MTFR1: variants seen among roughly 807,000 people sequenced by gnomAD.
MTFR1 encodes mitochondrial fission regulator 1, also known as chondrocyte protein with a poly-proline region.
Under a neutral mutation model 38.8 loss-of-function variants are expected in MTFR1, and 28 were observed. That is an observed-to-expected ratio of 0.72 (90% CI 0.53 to 0.99). The LOEUF is 0.99. MTFR1 is among the 50% of genes least tolerant of loss of function. MTFR1 has a pLI of 0.00. For synonymous variants in MTFR1, 145 were observed against 137.0 expected (o/e 1.06, Z -0.41); for missense variants, 358 against 395.5 (o/e 0.91, Z 0.81).
chr8:65,738,339 A>G (rs563128820), intron 3 of MTFR1, among the ~76,000 whole-genome samples: 1 of 152,354 alleles, frequency 6.6e-6, no homozygotes, highest in African/African-American at 2.4e-5. Context: ...AATGAGGGTC[A>G]GAAAATGAGA....
rs151130367 is a variant in MTFR1 at position 65,707,875 on chromosome 8, A to G, written c.797A>G (p.Asp266Gly). ...SEQDVKPKPV[D>G]ATDPAALIAE... ...CAAGATGTGAAGCCCAAGCCAGTGG[A>G]TGCTACTGACCCTGCTGCCCTCATA... The change falls in exon 7 of 8, where the codon GAT becomes GGT. Residue 266 changes from aspartate (D) to glycine (G), a missense_variant. Transcript: ENST00000262146. 1.5e-4 allele frequency: 249 copies of G among 1,614,166 alleles called. No individual in the cohort carries two copies. The highest frequency in any genetic ancestry group is 9.9e-4 in the Middle Eastern group (6 of 6,060).
intron 3 of MTFR1, among the ~76,000 whole-genome samples, chr8:65,729,968 G>A (rs1195023513): frequency 1.3e-5 from 2 of 151,704 alleles, no homozygotes; most frequent in South Asian, 2.1e-4. Context: ...GGCGGTCCTC[G>A]CAGGGCTCCT....
At chr8:65,772,565 C>T (rs77732976), downstream of MTFR1, among the ~76,000 whole-genome samples, 5,729 of 152,278 alleles carry the variant, frequency 0.038, 145 homozygotes, top group Non-Finnish European at 0.054. Flanking sequence ...AAATAAACTA[C>T]TGATATCTTC....
At chr8:65,696,462 G>A (rs1286554765) in intron 4 of MTFR1, among the ~76,000 whole-genome samples, 1 of 151,998 alleles carries the variant, frequency 6.6e-6, no homozygotes, top group South Asian at 2.1e-4. Context: ...ATCACAGCAG[G>A]GTATTGATGT....
chr8:65,647,233 G>A (rs1808984875), intron 1 of MTFR1, among the ~76,000 whole-genome samples: 1 of 152,212 alleles, frequency 6.6e-6, no homozygotes, highest in African/African-American at 2.4e-5. Context: ...CAAATTTATG[G>A]ATATGAGGAA....
chr8:65,736,161 A>G (rs1400572640), intron 3 of MTFR1, among the ~76,000 whole-genome samples: 1 of 152,094 alleles, frequency 6.6e-6, no homozygotes, highest in East Asian at 1.9e-4. Context: ...CAGCATCACA[A>G]CTCTTGTGCT....
chr8:65,676,574 G>A (rs1804713151), intron 2 of MTFR1, among the ~76,000 whole-genome samples: 1 of 152,092 alleles, frequency 6.6e-6, no homozygotes, highest in Non-Finnish European at 1.5e-5. Context: ...ATGTTGGCCA[G>A]GCTGGTCTCG....
chr8:65,662,032 C>CCTCTCGCTCTCCCT (rs1809433478), intron 1 of MTFR1, among the ~76,000 whole-genome samples: 1 of 100,534 alleles, frequency 9.9e-6, no homozygotes, highest in Non-Finnish European at 1.9e-5. Context: ...TCTCTCTCTC[C>CCTCTCGCTCTCCCT]CTCTCTCTCC....
intron 1 of MTFR1, among the ~76,000 whole-genome samples, chr8:65,649,867 C>T (rs1298711167): frequency 1.4e-5 from 2 of 145,738 alleles, no homozygotes; most frequent in African/African-American, 5.1e-5. Flanking sequence ...GAGATGGAGT[C>T]TCGCTCTGTC....
Position 65,693,748 on chromosome 8 carries a change from A to G in MTFR1, c.270A>G (p.Ser90=), listed in dbSNP as rs548262157. The G allele has an allele frequency of 1.9e-6, 3 of 1,613,738 alleles. No individual in the cohort carries two copies. Among genetic ancestry groups the G allele is most frequent in the South Asian group, 2.2e-5 (2 of 91,064 alleles). The change falls in exon 4 of 8, where the codon TCA becomes TCG. Residue 90 remains serine, a synonymous_variant. Coordinates refer to ENST00000262146, the MANE Select transcript of MTFR1 (RefSeq NM_014637.4). ...TAGCCAAAGAAGAAGGAGAGTGTTCAGCAAGACTAAGGTTAGTTTGGAAGG... is the reference window on the plus strand; with the variant it reads ...TAGCCAAAGAAGAAGGAGAGTGTTCGGCAAGACTAAGGTTAGTTTGGAAGG... The part of the protein sequence containing the change: ...GWVAKEEGEC[S]ARLRTEVRSR...
At chr8:65,746,097 ATT>A (rs374802114) in intron 3 of MTFR1, among the ~76,000 whole-genome samples, 7 of 141,266 alleles carry the variant, frequency 5.0e-5, no homozygotes, top group Admixed American at 1.4e-4. Flanking sequence ...TACCTGGCTA[ATT>A]TTTTTTTTTT....
chr8:65,767,966 TTGGGGGC>T (rs1808876893), intron 3 of MTFR1, among the ~76,000 whole-genome samples: 1 of 152,066 alleles, frequency 6.6e-6, no homozygotes, highest in African/African-American at 2.4e-5. Context: ...TGTCTGGGTT[TTGGGGGC>T]TGGGAGGCAG....
At chr8:65,705,264 A>G (rs1482188477) in intron 5 of MTFR1, among the ~76,000 whole-genome samples, 1 of 152,192 alleles carries the variant, frequency 6.6e-6, no homozygotes, top group Non-Finnish European at 1.5e-5. Context: ...GTGGAGAACC[A>G]AGTGAGCCAA....
chr8:65,756,848 C>A (rs866071807), intron 3 of MTFR1, among the ~76,000 whole-genome samples: 9 of 151,954 alleles, frequency 5.9e-5, no homozygotes, highest in African/African-American at 2.2e-4. Flanking sequence ...CCAAGTTTTA[C>A]ACTGGGGAAG....
downstream of MTFR1, among the ~76,000 whole-genome samples, chr8:65,711,928 T>TAA (rs976470297): frequency 3.3e-5 from 5 of 152,046 alleles, no homozygotes; most frequent in Admixed American, 6.5e-5. Context: ...TTCAGGAGGG[T>TAA]AAATGTTAAG....
At chr8:65,661,930 C>G (rs1004041161) in intron 1 of MTFR1, among the ~76,000 whole-genome samples, 2 of 152,124 alleles carry the variant, frequency 1.3e-5, no homozygotes, top group Non-Finnish European at 2.9e-5. Flanking sequence ...CACCACTGTA[C>G]TCCAGCCTGG....
chr8:65,657,691 G>A (rs1809306251), intron 1 of MTFR1, among the ~76,000 whole-genome samples: 1 of 150,180 alleles, frequency 6.7e-6, no homozygotes, highest in Non-Finnish European at 1.5e-5. Flanking sequence ...GGTGACAGAA[G>A]AGTGAGACTG....
At chr8:65,687,422 T>G (rs1282123077) in intron 3 of MTFR1, among the ~76,000 whole-genome samples, 1 of 151,508 alleles carries the variant, frequency 6.6e-6, no homozygotes, top group African/African-American at 2.4e-5. Context: ...CTTGGCTCAT[T>G]GCAAGCTCTG....
chr8:65,743,939 TCTC>T (rs137989855), intron 3 of MTFR1, among the ~76,000 whole-genome samples: 5,958 of 152,144 alleles, frequency 0.039, 171 homozygotes, highest in Non-Finnish European at 0.06. Context: ...TTCAAGCAAT[TCTC>T]CTGCCTCAGC....
Sources: allele counts gnomAD v4.1 joint callset (sites outside exome capture counted in the v4.1 genomes callset), GRCh38; gene constraint gnomAD v4.1.1; transcripts MANE v1.5; gene names NCBI Gene and HGNC (gene_info 2026-07-23, HGNC 2026-07-21).